The following NSG2 variants were observed in gnomAD, a reference collection of about 807,000 sequenced individuals.
NSG2 encodes neuronal vesicle trafficking-associated protein 2.
In NSG2, 4 loss-of-function variants were observed where a neutral mutation model predicts 16.9. That is an observed-to-expected ratio of 0.24 (90% CI 0.12 to 0.54). NSG2 has a LOEUF of 0.54. Ranked by LOEUF, NSG2 falls within the 20% of genes least tolerant of loss-of-function variation. The probability of loss-of-function intolerance (pLI) is 0.95; values close to 1 mark genes in which losing one functional copy is unlikely to be tolerated. For missense variants in NSG2, 179 were observed against 221.1 expected (o/e 0.81, Z 1.21); for synonymous variants, 98 against 88.7 (o/e 1.11, Z -0.59).
intron 3 of NSG2, among the ~76,000 whole-genome samples, chr5:174,089,345 A>G (rs1760685449): frequency 6.6e-6 from 1 of 152,184 alleles, no homozygotes; most frequent in South Asian, 2.1e-4. Flanking sequence ...CCTGCAGTGC[A>G]AGGAGGCAGT....
At chr5:174,077,103 GGAAGTGC>G (rs1561667489) in intron 3 of NSG2, among the ~76,000 whole-genome samples, 1 of 152,148 alleles carries the variant, frequency 6.6e-6, no homozygotes, top group East Asian at 1.9e-4. Context: ...GATGGCCACA[GGAAGTGC>G]GATACTGCAC....
At chr5:174,090,445 C>T (rs1246250794) in intron 3 of NSG2, among the ~76,000 whole-genome samples, 6 of 152,134 alleles carry the variant, frequency 3.9e-5, no homozygotes, top group Non-Finnish European at 7.4e-5. Flanking sequence ...TTAGCACCCA[C>T]CCAAGTTTCA....
intron 3 of NSG2, among the ~76,000 whole-genome samples, chr5:174,094,537 G>A (rs1760765552): frequency 6.6e-6 from 1 of 152,188 alleles, no homozygotes; most frequent in African/African-American, 2.4e-5. Flanking sequence ...AAGCGAGATT[G>A]ACTCCTGTCA....
At position 174,108,758 on chromosome 5, in the gene NSG2, G is replaced by A. The variant is rs1445778807; in HGVS notation, c.*1253G>A. 1 of 152,522 alleles carries A rather than the reference G, an allele frequency of 6.6e-6. No individual in the cohort carries two copies. Among genetic ancestry groups the A allele is most frequent in the Non-Finnish European group, 1.5e-5 (1 of 68,084 alleles). The allele number at this position is 152,522 out of a possible 1,614,324, so 9.4% of individuals were successfully genotyped here. A position where few individuals can be genotyped will look rare whatever the true frequency, so the allele number is the denominator to read the frequency against. Reference sequence around the variant, plus strand: ...TGTTTCAGGGAGGCCAGTTCTGCAGGGTGTCAGCTCCAGGACCCACAGGGC... The same window carrying A: ...TGTTTCAGGGAGGCCAGTTCTGCAGAGTGTCAGCTCCAGGACCCACAGGGC... On this transcript the variant is annotated 3_prime_UTR_variant, in exon 5 of 5. Coordinates refer to ENST00000303177, the MANE Select transcript of NSG2 (RefSeq NM_015980.5).
intron 3 of NSG2, among the ~76,000 whole-genome samples, chr5:174,098,050 T>A (rs1293576357): frequency 6.6e-6 from 1 of 152,008 alleles, no homozygotes; most frequent in Non-Finnish European, 1.5e-5. Context: ...GGGGATGCAG[T>A]GTGCTCCTAT....
chr5:174,097,818 TGTGA>T (rs1482172445), intron 3 of NSG2, among the ~76,000 whole-genome samples: 6 of 151,648 alleles, frequency 4.0e-5, no homozygotes, highest in South Asian at 2.1e-4. Flanking sequence ...TAACTGTGTG[TGTGA>T]GTGTGTCTCT....
rs35022469 is a variant in NSG2, at chr5:174,091,039, C to CTT, written c.214-13170_214-13169dup. Among the ~76,000 whole-genome samples, 272 of 124,066 alleles carry CTT rather than the reference C, an allele frequency of 2.2e-3. 1 individual carries two copies. The highest frequency in any genetic ancestry group is 5.5e-3 in the African/African-American group (181 of 33,142). 81.4% of individuals were successfully genotyped at this position (124,066 alleles called of 152,430 possible). On this transcript the variant is annotated intron_variant, in intron 3 of 4. Transcript: ENST00000303177. ...TTCTTCTTCCTTCCCCTTCTTCTTC[C>CTT]TTTTTTTTTTTTTTTTTTTTCCATC...
At chr5:174,078,965 G>A (rs535376801) in intron 3 of NSG2, among the ~76,000 whole-genome samples, 29 of 152,164 alleles carry the variant, frequency 1.9e-4, no homozygotes, top group Admixed American at 3.9e-4. Context: ...ACATGCACAC[G>A]CACACCCCTT....
chr5:174,065,292 C>T (rs2113436458), intron 3 of NSG2, among the ~76,000 whole-genome samples: 1 of 150,838 alleles, frequency 6.6e-6, no homozygotes, highest in East Asian at 2.0e-4. Context: ...CGCACCACTG[C>T]ACTCCAGCCT....
At chr5:174,047,046 CTT>C (rs1189462341) in intron 2 of NSG2, among the ~76,000 whole-genome samples, 162 bp downstream of exon 2, 1 of 152,176 alleles carries the variant, frequency 6.6e-6, no homozygotes, top group Non-Finnish European at 1.5e-5. Context: ...CAAGACATCT[CTT>C]GTGTTATTTC....
intron 3 of NSG2, among the ~76,000 whole-genome samples, chr5:174,080,983 C>T (rs867719745): frequency 6.6e-6 from 1 of 151,586 alleles, no homozygotes; most frequent in African/African-American, 2.4e-5. Context: ...AAGTATTTTA[C>T]CTGTTTTTTT....
At chr5:174,092,800 G>A (rs183727202) in intron 3 of NSG2, among the ~76,000 whole-genome samples, 282 of 152,198 alleles carry the variant, frequency 1.9e-3, no homozygotes, top group Non-Finnish European at 1.1e-3. Context: ...GCCCAGACTC[G>A]GCACGTGAGG....
At position 174,051,786 on chromosome 5, in the gene NSG2, G is replaced by T. The variant is rs532553964; in HGVS notation, c.129+4902G>T. 2.6e-5 allele frequency among the ~76,000 whole-genome samples: 4 copies of T among 152,360 alleles called. No individual in the cohort carries two copies. The South Asian group carries it at 8.3e-4, about 32-fold the overall frequency. The stretch of plus-strand genomic sequence containing the variant: ...ATTGTGAGAAGGGCTATTAAGGAAA[G>T]AACAAGATGTTGTAATGTAAGGAGA... On this transcript the variant is annotated intron_variant, in intron 2 of 4. Transcript: ENST00000303177.
intron 2 of NSG2, among the ~76,000 whole-genome samples, chr5:174,056,977 T>C (rs1759976450): frequency 6.6e-6 from 1 of 152,250 alleles, no homozygotes; most frequent in Non-Finnish European, 1.5e-5. Flanking sequence ...ATTTATCCCA[T>C]TTTCACAATG....
intron 3 of NSG2, among the ~76,000 whole-genome samples, chr5:174,085,846 A>C (rs1178970989): frequency 6.6e-6 from 1 of 152,252 alleles, no homozygotes; most frequent in Non-Finnish European, 1.5e-5. Flanking sequence ...GTGCGAGGCT[A>C]GGAAGTCCTT....
chr5:174,066,330 G>A (rs1760139077), intron 3 of NSG2: 3 of 444,622 alleles, frequency 6.7e-6, no homozygotes, highest in Non-Finnish European at 1.4e-5. Flanking sequence ...GGGGTATCTT[G>A]GTGCACCAGG....
intron 3 of NSG2, among the ~76,000 whole-genome samples, chr5:174,075,824 T>C (rs1160242560): frequency 6.6e-6 from 1 of 152,224 alleles, no homozygotes; most frequent in Non-Finnish European, 1.5e-5. Context: ...TGTGCAGCTT[T>C]TCATGTTGCC....
intron 3 of NSG2, among the ~76,000 whole-genome samples, chr5:174,088,101 A>G (rs1179691302): frequency 6.6e-6 from 1 of 152,212 alleles, no homozygotes; most frequent in Non-Finnish European, 1.5e-5. Context: ...TTCTTCTGAT[A>G]TATTGACTTA....
chr5:174,083,543 A>G (rs1206969819), intron 3 of NSG2, among the ~76,000 whole-genome samples: 1 of 152,150 alleles, frequency 6.6e-6, no homozygotes, highest in East Asian at 1.9e-4. Flanking sequence ...TTTCAAGCCA[A>G]GCTCAGGCGA....
Sources: gnomAD v4.1 joint callset for allele counts (sites outside exome capture counted in the v4.1 genomes callset) on GRCh38, gnomAD v4.1.1 for gene constraint, MANE v1.5 for transcripts, NCBI Gene and HGNC (gene_info 2026-07-23, HGNC 2026-07-21) for gene names.